The following MCTP1 variants were observed in gnomAD, a reference collection of about 807,000 sequenced individuals.
The protein encoded by MCTP1 is multiple C2 and transmembrane domain containing 1.
In MCTP1, 69 loss-of-function variants were observed where a neutral mutation model predicts 120.6. That is an observed-to-expected ratio of 0.57 (90% CI 0.47 to 0.70). The LOEUF is 0.70. MCTP1 is among the 30% of genes least tolerant of loss of function. The pLI is 0.00. For missense variants in MCTP1, 1,203 were observed against 1,248.8 expected (o/e 0.96, Z 0.55); for synonymous variants, 529 against 493.1 (o/e 1.07, Z -0.96).
At chr5:95,073,247 G>A (rs1474799530) in intron 1 of MCTP1, among the ~76,000 whole-genome samples, 1 of 152,244 alleles carries the variant, frequency 6.6e-6, no homozygotes, top group African/African-American at 2.4e-5. Flanking sequence ...CCACATTGTG[G>A]CACTTGCCAA....
chr5:95,113,109 T>A (rs780974081), intron 1 of MCTP1, among the ~76,000 whole-genome samples: 1 of 152,096 alleles, frequency 6.6e-6, no homozygotes, highest in Non-Finnish European at 1.5e-5. Flanking sequence ...ACTGTGTCAT[T>A]TAGTACCTTT....
chr5:94,749,725 T>G (rs1767844408), intron 19 of MCTP1, among the ~76,000 whole-genome samples: 2 of 150,082 alleles, frequency 1.3e-5, no homozygotes, highest in African/African-American at 4.9e-5. Flanking sequence ...TTCCCAAATT[T>G]CAGAATCTAT....
intron 17 of MCTP1, among the ~76,000 whole-genome samples, chr5:94,843,130 C>CA (rs1390502599): frequency 2.6e-5 from 4 of 151,050 alleles, no homozygotes; most frequent in Non-Finnish European, 4.4e-5. Context: ...TAAAATTTAA[C>CA]AAAAATTCAT....
chr5:95,056,373 C>A (rs570759941), intron 1 of MCTP1, among the ~76,000 whole-genome samples: 1 of 152,104 alleles, frequency 6.6e-6, no homozygotes. Flanking sequence ...AATCAGATCA[C>A]GGTAGTTAAG....
At chr5:94,923,293 A>G (rs778559528) in intron 7 of MCTP1, among the ~76,000 whole-genome samples, 15 of 152,218 alleles carry the variant, frequency 9.9e-5, no homozygotes, top group Non-Finnish European at 1.9e-4. Flanking sequence ...AAAGAGGAAC[A>G]TTCTTAAAGG....
chr5:94,806,025 C>T (rs1230347716), intron 17 of MCTP1, among the ~76,000 whole-genome samples: 3 of 151,676 alleles, frequency 2.0e-5, no homozygotes, highest in East Asian at 3.9e-4. Context: ...AATGGAATGC[C>T]ACTTCTTAGG....
chr5:94,993,534 T>C (rs1334371481), intron 2 of MCTP1, among the ~76,000 whole-genome samples: 1 of 152,176 alleles, frequency 6.6e-6, no homozygotes, highest in Non-Finnish European at 1.5e-5. Context: ...GATGATTTGT[T>C]TATATTAGAA....
At chr5:95,006,667 A>G (rs548686170) in intron 2 of MCTP1, among the ~76,000 whole-genome samples, 1 of 152,336 alleles carries the variant, frequency 6.6e-6, no homozygotes, top group East Asian at 1.9e-4. Context: ...TAAAGGCTGC[A>G]TAAATCAAAG....
chr5:94,849,420 T>C (rs1793171817), intron 17 of MCTP1, among the ~76,000 whole-genome samples: 2 of 152,186 alleles, frequency 1.3e-5, no homozygotes, highest in South Asian at 4.1e-4. Context: ...ATGTGCCGTT[T>C]ATTTCTTCTG....
chr5:95,110,975 T>C (rs530710181), intron 1 of MCTP1, among the ~76,000 whole-genome samples: 12 of 152,270 alleles, frequency 7.9e-5, no homozygotes, highest in African/African-American at 2.9e-4. Context: ...AGTAGTAGGC[T>C]CCATGTGAGA....
intron 17 of MCTP1, among the ~76,000 whole-genome samples, chr5:94,856,391 T>A (rs1794729312): frequency 6.6e-6 from 1 of 151,772 alleles, no homozygotes; most frequent in African/African-American, 2.4e-5. Flanking sequence ...AAATTCGCCA[T>A]CTACAAACAC....
chr5:94,806,730 C>T (rs976269178), intron 17 of MCTP1, among the ~76,000 whole-genome samples: 4 of 152,332 alleles, frequency 2.6e-5, no homozygotes, highest in East Asian at 3.9e-4. Context: ...AAATGATTAA[C>T]ACTTCCTACT....
At chr5:95,056,670 T>C (rs890824338) in intron 1 of MCTP1, among the ~76,000 whole-genome samples, 26 of 152,228 alleles carry the variant, frequency 1.7e-4, no homozygotes, top group Non-Finnish European at 1.3e-4. Flanking sequence ...CTGCATTGTT[T>C]GTGGAATAGC....
intron 1 of MCTP1, among the ~76,000 whole-genome samples, chr5:95,246,190 A>T (rs1387862616): frequency 6.6e-6 from 1 of 152,186 alleles, no homozygotes. Flanking sequence ...CTAAATATGG[A>T]AAGGAATAAC....
chr5:95,199,629 G>A lies in MCTP1; in HGVS notation c.720+84227C>T, dbSNP rs552963308. 1.5e-4 allele frequency among the ~76,000 whole-genome samples: 23 copies of A among 152,172 alleles called. No individual in the cohort carries two copies. The South Asian group carries it at 4.6e-3, about 30-fold the overall frequency. ...TCCCAGCATTTTGGGGGTTTGAGGC[G>A]GGTGGATCACTTGAGGTCAGGGGGT... On this transcript the variant is annotated intron_variant, in intron 1 of 22. Transcript: ENST00000515393.
chr5:94,932,920 A>G (rs1443290879), intron 5 of MCTP1, among the ~76,000 whole-genome samples: 1 of 152,022 alleles, frequency 6.6e-6, no homozygotes, highest in East Asian at 1.9e-4. Context: ...ACCATGTCAG[A>G]AACTATTCAT....
chr5:94,747,851 G>T (rs1364408406), intron 19 of MCTP1, among the ~76,000 whole-genome samples: 2 of 152,150 alleles, frequency 1.3e-5, no homozygotes. Flanking sequence ...AGCACCTTGG[G>T]AGGCCAAGAC....
At chr5:94,729,966 ACT>A (rs1460537758) in intron 19 of MCTP1, among the ~76,000 whole-genome samples, 1 of 152,224 alleles carries the variant, frequency 6.6e-6, no homozygotes, top group East Asian at 1.9e-4. Context: ...GTAGAAATAT[ACT>A]GTGTGGGGAA....
chr5:95,116,630 A>G (rs986319277), intron 1 of MCTP1, among the ~76,000 whole-genome samples: 2 of 151,754 alleles, frequency 1.3e-5, no homozygotes, highest in African/African-American at 4.8e-5. Flanking sequence ...TTTGGGCAGT[A>G]TGGCCATTTT....
Sources: allele counts gnomAD v4.1 joint callset (sites outside exome capture counted in the v4.1 genomes callset), GRCh38; gene constraint gnomAD v4.1.1; transcripts MANE v1.5; gene names NCBI Gene and HGNC (gene_info 2026-07-23, HGNC 2026-07-21).